Variants in RFX8 observed in about 807,000 individuals in gnomAD.
RFX8 encodes the protein regulatory factor X8.
In RFX8, 46 loss-of-function variants were observed where a neutral mutation model predicts 54.6. The observed-to-expected ratio is 0.84, with a 90% CI of 0.67 to 1.08. The LOEUF (loss-of-function observed/expected upper bound fraction) is 1.08. Ranked by LOEUF, RFX8 falls within the 50% of genes least tolerant of loss-of-function variation. The probability of loss-of-function intolerance (pLI) is 0.00; values close to 1 mark genes in which losing one functional copy is unlikely to be tolerated. For synonymous variants in RFX8, 192 were observed against 209.5 expected, an observed-to-expected ratio of 0.92 and a Z score of 0.72; for missense variants, 536 against 562.3, an observed-to-expected ratio of 0.95 and a Z score of 0.47.
intron 2 of RFX8, among the ~76,000 whole-genome samples, chr2:101,427,730 A>C (rs1459771470): frequency 2.6e-5 from 4 of 152,024 alleles, no homozygotes; most frequent in African/African-American, 7.2e-5. Context: ...GGAGTTCCCA[A>C]ACCACCCATG....
intron 2 of RFX8, chr2:101,452,253 C>G (rs11123884): frequency 0.32 from 154,504 of 485,472 alleles, 26,463 homozygotes; most frequent in African/African-American, 0.44. Context: ...GGAATTAATG[C>G]GAATTGTGGA....
intron 2 of RFX8, among the ~76,000 whole-genome samples, chr2:101,424,640 G>A (rs1687069812): frequency 6.6e-6 from 1 of 152,172 alleles, no homozygotes; most frequent in Admixed American, 6.5e-5. Context: ...ATGACAGACT[G>A]GGTAAAGAAA....
chr2:101,448,788 C>G (rs12712105), intron 2 of RFX8, among the ~76,000 whole-genome samples: 63,074 of 152,094 alleles, frequency 0.41, 15,099 homozygotes, highest in Non-Finnish European at 0.51. Flanking sequence ...ACTAGAACAC[C>G]TTTGAGAGTG....
chr2:101,427,716 A>G (rs368219311), intron 2 of RFX8, among the ~76,000 whole-genome samples: 14 of 152,112 alleles, frequency 9.2e-5, no homozygotes, highest in South Asian at 4.2e-4. Context: ...CGGACCCCCA[A>G]TTTGGAGTTC....
At chr2:101,407,737 G>A (rs1390851177) in intron 9 of RFX8, among the ~76,000 whole-genome samples, 6 of 151,768 alleles carry the variant, frequency 4.0e-5, no homozygotes, top group Admixed American at 1.3e-4. Context: ...TAAAAGCATC[G>A]AGGGATGCAG....
chr2:101,445,846 C>T (rs1232432448), intron 2 of RFX8, among the ~76,000 whole-genome samples: 2 of 152,122 alleles, frequency 1.3e-5, no homozygotes, highest in African/African-American at 4.8e-5. Flanking sequence ...TGTAGGAACT[C>T]AAATGAATGA....
At position 101,405,950 on chromosome 2, in the gene RFX8, A is replaced by AT. The variant is rs1685706537; in HGVS notation, c.920dup (p.Asp307GlufsTer2). 3.2e-5 allele frequency: 49 copies of AT among 1,523,846 alleles called. No individual in the cohort carries two copies. Among genetic ancestry groups the AT allele is most frequent in the Non-Finnish European group, 4.2e-5 (48 of 1,132,776 alleles). The allele number at this position is 1,523,846 out of a possible 1,614,324, so 94.4% of individuals were successfully genotyped here. A position where few individuals can be genotyped will look rare whatever the true frequency, so the allele number is the denominator to read the frequency against. ...TCTTATTCTCTGACTTACCAAAACT[A>AT]TCTCTGTGGCAGAGGGTCATGGCTT... On this transcript the variant is annotated frameshift_variant, in exon 10 of 12. Coordinates refer to ENST00000428343, the MANE Select transcript of RFX8 (RefSeq NM_001145664.2). LOFTEE classifies it high-confidence loss of function.
intron 9 of RFX8, among the ~76,000 whole-genome samples, chr2:101,409,639 AC>A (rs1441261348): frequency 2.0e-5 from 3 of 152,170 alleles, no homozygotes; most frequent in African/African-American, 7.2e-5. Flanking sequence ...AGCTGGGATT[AC>A]AGGTGCGTGC....
rs1223602198 is a variant in RFX8, at chr2:101,452,988, C to T, written c.72+13789G>A. 2.7e-5 allele frequency among the ~76,000 whole-genome samples: 4 copies of T among 146,828 alleles called. 2 individuals are homozygous for T. The highest frequency in any genetic ancestry group is 6.0e-5 in the Non-Finnish European group (4 of 66,656). On this transcript the variant is annotated intron_variant, in intron 2 of 11. Transcript: ENST00000428343. ...GGCGTGGTAACATGTGCCTGTAGTC[C>T]CAGCTACTCAGGAGGCTGAGGCAGG...
intron 2 of RFX8, among the ~76,000 whole-genome samples, chr2:101,423,309 G>A (rs914713353): frequency 6.6e-6 from 1 of 150,876 alleles, no homozygotes; most frequent in Non-Finnish European, 1.5e-5. Context: ...GAGGAAGAAA[G>A]GTGGCATGGC....
rs140908629 is a variant in RFX8, at chr2:101,467,458, G to A, written c.-52-558C>T. 3.0e-4 allele frequency among the ~76,000 whole-genome samples: 45 copies of A among 152,288 alleles called. 1 individual carries two copies. The East Asian group carries it at 8.1e-3, about 28-fold the overall frequency. On this transcript the variant is annotated intron_variant, in intron 1 of 11. Coordinates refer to ENST00000428343, the MANE Select transcript of RFX8 (RefSeq NM_001145664.2). The stretch of plus-strand genomic sequence containing the variant: ...CCTGTGGTTTAGGGCAGGCCATTAT[G>A]TTTGGATTCTTTGAATTGCAATGAG...
intron 1 of RFX8, chr2:101,474,365 C>T (rs1477632495): frequency 2.4e-6 from 1 of 412,730 alleles, no homozygotes; most frequent in East Asian, 3.7e-5. Context: ...ACCGCCGCTC[C>T]TCGGTGTTTA....
rs76596655 is a variant in RFX8, at chr2:101,465,730, A to T, written c.72+1047T>A. Among the ~76,000 whole-genome samples the T allele has an allele frequency of 3.7e-3, 570 of 152,332 alleles. 8 individuals are homozygous for T. Among genetic ancestry groups the T allele is most frequent in the African/African-American group, 0.013 (541 of 41,570 alleles). On this transcript the variant is annotated intron_variant, in intron 2 of 11. Coordinates refer to ENST00000428343, the MANE Select transcript of RFX8 (RefSeq NM_001145664.2). ...CTTAATTTCAACTCTTTAGAAAAAA[A>T]TACTTAAGGTTGTTTCTGTTGACTA... is the stretch of plus-strand genomic sequence containing the variant.
intron 2 of RFX8, among the ~76,000 whole-genome samples, chr2:101,448,183 C>G (rs967019958): frequency 6.6e-6 from 1 of 152,166 alleles, no homozygotes; most frequent in Non-Finnish European, 1.5e-5. Context: ...ACATTCAAAC[C>G]ACAGCAGGAC....
In RFX8 at chr2:101,405,951, T is replaced by A; in HGVS notation, c.920A>T (p.Asp307Val). ...CTTATTCTCTGACTTACCAAAACTATCTCTGTGGCAGAGGGTCATGGCTTT... is the reference window on the plus strand; with the variant it reads ...CTTATTCTCTGACTTACCAAAACTAACTCTGTGGCAGAGGGTCATGGCTTT... Reference protein sequence around the residue: ...VSKAMTLCHRDSFGSWHLFHL... With the variant: ...VSKAMTLCHRVSFGSWHLFHL... The change falls in exon 10 of 12, where the codon GAT becomes GTT. Residue 307 changes from aspartate to valine, a missense_variant. Transcript: ENST00000428343. 4 of 1,524,372 alleles carry A rather than the reference T, an allele frequency of 2.6e-6. No homozygotes were observed. The highest frequency in any genetic ancestry group is 3.5e-6 in the Non-Finnish European group (4 of 1,133,278). The allele number at this position is 1,524,372 out of a possible 1,614,324, so 94.4% of individuals were successfully genotyped here. A position where few individuals can be genotyped will look rare whatever the true frequency, so the allele number is the denominator to read the frequency against.
chr2:101,461,898 C>G (rs756588816), intron 2 of RFX8, among the ~76,000 whole-genome samples: 1 of 152,106 alleles, frequency 6.6e-6, no homozygotes, highest in African/African-American at 2.4e-5. Context: ...AGAAACAGCT[C>G]ATTCTAATTT....
intron 2 of RFX8, among the ~76,000 whole-genome samples, chr2:101,429,692 G>A (rs927817613): frequency 9.9e-5 from 15 of 152,256 alleles, no homozygotes; most frequent in African/African-American, 3.6e-4. Flanking sequence ...GCTGAGCCAA[G>A]GGCAGACATG....
Position 101,421,772 on chromosome 2 carries a change from G to A in RFX8, c.189C>T (p.Ala63=), listed in dbSNP as rs770435062. 2.6e-6 allele frequency: 4 copies of A among 1,549,032 alleles called. No individual in the cohort carries two copies. The highest frequency in any genetic ancestry group is 1.4e-5 in the African/African-American group (1 of 73,038). The part of the protein sequence containing the change: ...QAKKYSCNMM[A]FLADEYCNYC... ...AGTTGCAGTATTCGTCAGCAAGGAAGGCCATCTAGGAAGAATATGGAAAAT... is the reference window on the plus strand; with the variant it reads ...AGTTGCAGTATTCGTCAGCAAGGAAAGCCATCTAGGAAGAATATGGAAAAT... Residue 63 remains alanine, a synonymous_variant, in exon 4 of 12, where the codon GCC becomes GCT. Coordinates refer to ENST00000428343, the MANE Select transcript of RFX8 (RefSeq NM_001145664.2).
chr2:101,449,831 T>A (rs943136346), intron 2 of RFX8, among the ~76,000 whole-genome samples: 2 of 151,868 alleles, frequency 1.3e-5, no homozygotes, highest in African/African-American at 4.8e-5. Context: ...AGATGAGATC[T>A]CGGGGAGAGC....
Sources: allele counts gnomAD v4.1 joint callset (sites outside exome capture counted in the v4.1 genomes callset), GRCh38; gene constraint gnomAD v4.1.1; transcripts MANE v1.5; gene names NCBI Gene and HGNC (gene_info 2026-07-23, HGNC 2026-07-21).